Variants in LRRC14B observed in about 807,000 individuals in gnomAD.
LRRC14B encodes the protein leucine rich repeat containing 14B.
In LRRC14B, 23 loss-of-function variants were observed where a neutral mutation model predicts 16.9. That is an observed-to-expected ratio of 1.36 (90% CI 0.98 to 1.92). The LOEUF is 1.92. Ranked by LOEUF, LRRC14B falls within the 30% of genes most tolerant of loss-of-function variation. The pLI, the probability that LRRC14B is intolerant of heterozygous loss-of-function variation, is 0.00. For synonymous variants in LRRC14B, 358 were observed against 332.5 expected, an observed-to-expected ratio of 1.08 and a Z score of -0.83; for missense variants, 766 against 705.7, an observed-to-expected ratio of 1.09 and a Z score of -0.97.
At position 192,407 on chromosome 5, in the gene LRRC14B, C is replaced by G. The variant is rs760159831; in HGVS notation, c.869C>G (p.Thr290Arg). 1 of 1,556,206 alleles carries G rather than the reference C, an allele frequency of 6.4e-7. No individual in the cohort carries two copies. The highest frequency in any genetic ancestry group is 8.7e-7 in the Non-Finnish European group (1 of 1,148,780). The change falls in exon 1 of 2, where the codon ACG (threonine) becomes AGG (arginine). Residue 290 changes from threonine to arginine, a missense_variant. Physicochemically the swap from Thr to Arg is moderately conservative, Grantham distance 71 (BLOSUM62 -1). Coordinates refer to ENST00000328278, the MANE Select transcript of LRRC14B (RefSeq NM_001080478.3). ...QLTELSVAFS[T>R]LTGKIPTLLG... Reference sequence around the variant, plus strand: ...ACTGAGCTCAGTGTGGCCTTCTCCACGCTGACCGGGAAGATCCCGACGCTG... The same window carrying G: ...ACTGAGCTCAGTGTGGCCTTCTCCAGGCTGACCGGGAAGATCCCGACGCTG...
rs765391690 is a variant in LRRC14B at position 192,390 on chromosome 5, C to T, written c.852C>T (p.Leu284=). The T allele has an allele frequency of 6.3e-6, 10 of 1,577,288 alleles. No individual in the cohort carries two copies. Among genetic ancestry groups the T allele is most frequent in the Non-Finnish European group, 8.6e-6 (10 of 1,161,498 alleles). Residue 284 remains leucine, a synonymous_variant, in exon 1 of 2, where the codon CTC becomes CTT. Coordinates refer to ENST00000328278, the MANE Select transcript of LRRC14B (RefSeq NM_001080478.3). ...ELSKMAQLTE[L]SVAFSTLTGK... is the part of the protein sequence containing the mutation. ...GCAAGATGGCGCAGCTCACTGAGCT[C>T]AGTGTGGCCTTCTCCACGCTGACCG...
rs950951736 is a variant in LRRC14B at position 194,848 on chromosome 5, A to G, written c.1040A>G (p.Tyr347Cys). 8 of 1,593,682 alleles carry G rather than the reference A, an allele frequency of 5.0e-6. No individual in the cohort carries two copies. The highest frequency in any genetic ancestry group is 1.7e-4 in the Middle Eastern group (1 of 6,044). Residue 347 changes from tyrosine to cysteine, a missense_variant, in exon 2 of 2, where the codon TAC (tyrosine) becomes TGC (cysteine). Transcript: ENST00000328278. ...AGTGGACACAACCTGGTCAGCCTGT[A>G]CCCCTCGACCTTCTTCAGGCTGCTC... ...DLSGHNLVSLYPSTFFRLLSQ... is the reference protein window; with the variant it reads ...DLSGHNLVSLCPSTFFRLLSQ...
At chr5:193,014 G>A (rs1032304566) in intron 1 of LRRC14B, among the ~76,000 whole-genome samples, 4 of 152,184 alleles carry the variant, frequency 2.6e-5, no homozygotes, top group African/African-American at 9.7e-5. Flanking sequence ...AGAGAGGGCA[G>A]CAGCTAGGAA....
At chr5:194,674 C>G (rs569566990) in intron 1 of LRRC14B, 34 bp from the exon 2 acceptor site, 2 of 1,558,248 alleles carry the variant, frequency 1.3e-6, no homozygotes, top group Admixed American at 1.8e-5. Context: ...TGGGACCCTC[C>G]TCTCACCTGT....
chr5:192,448 G>A lies in LRRC14B; in HGVS notation c.899+11G>A. 1 of 1,509,354 alleles carries A rather than the reference G, an allele frequency of 6.6e-7. No individual in the cohort carries two copies. The highest frequency in any genetic ancestry group is 8.9e-7 in the Non-Finnish European group (1 of 1,126,876). 93.5% of individuals were successfully genotyped at this position (1,509,354 alleles called of 1,614,324 possible). On this transcript the variant is annotated intron_variant, in intron 1 of 1. Coordinates refer to ENST00000328278, the MANE Select transcript of LRRC14B (RefSeq NM_001080478.3). ...CCCGACGCTGCTTGGGTGAGTCTTG[G>A]GGAGGGGACTGAGGGCGGGCTGGTG... is the stretch of plus-strand genomic sequence containing the variant.
rs190870417 is a variant in LRRC14B at position 195,184 on chromosome 5, G to A, written c.1376G>A (p.Arg459His). The stretch of plus-strand genomic sequence containing the variant: ...TACGACGAGATCGCCGAGGAGCTGC[G>A]TGCCGTGCTGCTGCGGGCTGACCGA... The part of the protein sequence containing the change: ...QKYDEIAEEL[R>H]AVLLRADRED... The change falls in exon 2 of 2, where the codon CGT becomes CAT. Residue 459 changes from arginine to histidine, a missense_variant. Transcript: ENST00000328278. 619 of 1,613,862 alleles carry A rather than the reference G, an allele frequency of 3.8e-4. 1 individual carries two copies. Among genetic ancestry groups the A allele is most frequent in the Admixed American group, 1.4e-3 (83 of 60,030 alleles).
Position 194,887 on chromosome 5 carries a change from G to A in LRRC14B, c.1079G>A (p.Arg360Gln), listed in dbSNP as rs752638132. The A allele has an allele frequency of 2.4e-5, 38 of 1,598,104 alleles. No homozygotes were observed. In the East Asian group the frequency reaches 4.8e-4, roughly 20 times the overall value. ...TTCAGGCTGCTCAGCCAGGCTTCCC[G>A]GACGCTGAGGATCCTGACACTGGAG... ...TFFRLLSQAS[R>Q]TLRILTLEEC... Residue 360 changes from arginine to glutamine, a missense_variant, in exon 2 of 2, where the codon CGG (arginine) becomes CAG (glutamine). By Grantham distance (43) the Arg-to-Gln change is conservative. Coordinates refer to ENST00000328278, the MANE Select transcript of LRRC14B (RefSeq NM_001080478.3).
At position 196,159 on chromosome 5, in the gene LRRC14B, C is replaced by T. The variant is rs1046475348; in HGVS notation, c.*806C>T. On this transcript the variant is annotated 3_prime_UTR_variant, in exon 2 of 2. Transcript: ENST00000328278. ...TGTCCTGCGGGGCTTGAGGCTTAGA[C>T]TGACGGGAGCTATTCCGGGTGTTTA... is the stretch of plus-strand genomic sequence containing the variant. 6.6e-6 allele frequency: 1 copy of T among 152,230 alleles called. No individual in the cohort carries two copies. The highest frequency in any genetic ancestry group is 1.5e-5 in the Non-Finnish European group (1 of 68,056). 9.4% of individuals were successfully genotyped at this position (152,230 alleles called of 1,614,324 possible).
chr5:193,295 G>A (rs1221138736), intron 1 of LRRC14B, among the ~76,000 whole-genome samples: 3 of 149,588 alleles, frequency 2.0e-5, no homozygotes, highest in Non-Finnish European at 3.0e-5. Flanking sequence ...GGGTCCGGGG[G>A]GCACCCAGTT....
In LRRC14B at chr5:195,476, C is replaced by G. The variant is rs1036739131; in HGVS notation, c.*123C>G. ...ACCACCACCACCACCAAAAGCAGTT[C>G]TTAGTGAAAATTGTAGGCGAGCCTG... On this transcript the variant is annotated 3_prime_UTR_variant, in exon 2 of 2. Transcript: ENST00000328278. 6.9e-5 allele frequency: 66 copies of G among 960,816 alleles called. No homozygotes were observed. Among genetic ancestry groups the G allele is most frequent in the Non-Finnish European group, 9.1e-5 (60 of 658,576 alleles). The allele number at this position is 960,816 out of a possible 1,614,324, so 59.5% of individuals were successfully genotyped here.
In LRRC14B at chr5:195,454, A is replaced by C. The variant is rs780907546; in HGVS notation, c.*101A>C. The C allele has an allele frequency of 2.5e-5, 26 of 1,036,378 alleles. No individual in the cohort carries two copies. In the African/African-American group the frequency reaches 4.2e-4, roughly 17 times the overall value. 64.2% of individuals were successfully genotyped at this position (1,036,378 alleles called of 1,614,324 possible). ...CTTGGGCCCGGCATTCATCCCCACC[A>C]CCACCACCACCAAAAGCAGTTCTTA... On this transcript the variant is annotated 3_prime_UTR_variant, in exon 2 of 2. Transcript: ENST00000328278.
At chr5:192,814 T>C (rs1183721791) in intron 1 of LRRC14B, among the ~76,000 whole-genome samples, 2 of 152,156 alleles carry the variant, frequency 1.3e-5, no homozygotes, top group Non-Finnish European at 2.9e-5. Context: ...AGCTCAGAAA[T>C]CTGAGCCTGT....
chr5:193,133 C>T (rs1733840453), intron 1 of LRRC14B, among the ~76,000 whole-genome samples: 2 of 148,634 alleles, frequency 1.3e-5, no homozygotes, highest in South Asian at 4.4e-4. Context: ...AGCGGTGGGT[C>T]CAAGGGGGGT....
chr5:191,644 C>T lies in LRRC14B; in HGVS notation c.106C>T (p.Leu36Phe). The change falls in exon 1 of 2, where the codon CTC becomes TTC. Residue 36 changes from leucine (L) to phenylalanine (F), a missense_variant. By Grantham distance (22) the Leu-to-Phe change is conservative. Coordinates refer to ENST00000328278, the MANE Select transcript of LRRC14B (RefSeq NM_001080478.3). ...CAGCGTGGCCCACAACCTCTACCCACTCCTGTTCAAAGCCAGCTACCTGCT... is the reference window on the plus strand; with the variant it reads ...CAGCGTGGCCCACAACCTCTACCCATTCCTGTTCAAAGCCAGCTACCTGCT... ...LDSVAHNLYP[L>F]LFKASYLLEQ... is the part of the protein sequence containing the mutation. 1.2e-6 allele frequency: 2 copies of T among 1,609,670 alleles called. No homozygotes were observed. The highest frequency in any genetic ancestry group is 1.7e-6 in the Non-Finnish European group (2 of 1,178,444).
Position 191,789 on chromosome 5 carries a change from G to A in LRRC14B, c.251G>A (p.Arg84Lys). ...HPQDLRDRTC[R>K]ACLEALVRGL... Reference sequence around the variant, plus strand: ...CAGGACCTGCGCGACAGAACCTGCAGGGCCTGCCTGGAGGCGCTGGTGCGC... The same window carrying A: ...CAGGACCTGCGCGACAGAACCTGCAAGGCCTGCCTGGAGGCGCTGGTGCGC... Residue 84 changes from arginine (R) to lysine (K), a missense_variant, in exon 1 of 2, where the codon AGG becomes AAG. Transcript: ENST00000328278. The A allele has an allele frequency of 1.3e-6, 2 of 1,537,404 alleles. No homozygotes were observed. The highest frequency in any genetic ancestry group is 1.2e-5 in the South Asian group (1 of 83,792).
chr5:195,117 C>A lies in LRRC14B; in HGVS notation c.1309C>A (p.Pro437Thr). 1 of 1,613,978 alleles carries A rather than the reference C, an allele frequency of 6.2e-7. No homozygotes were observed. Among genetic ancestry groups the A allele is most frequent in the South Asian group, 1.1e-5 (1 of 91,086 alleles). The change falls in exon 2 of 2, where the codon CCA becomes ACA. Residue 437 changes from proline to threonine, a missense_variant. Coordinates refer to ENST00000328278, the MANE Select transcript of LRRC14B (RefSeq NM_001080478.3). ...KDCYPEGAAYPQDELAMSKFN... is the reference protein window; with the variant it reads ...KDCYPEGAAYTQDELAMSKFN... ...CTGCTACCCCGAGGGTGCCGCCTAC[C>A]CACAGGACGAGCTGGCCATGTCCAA...
Position 194,829 on chromosome 5 carries a change from C to T in LRRC14B, c.1021C>T (p.His341Tyr). Reference sequence around the variant, plus strand: ...CCTGGAGGTGCTGGACCTCAGTGGACACAACCTGGTCAGCCTGTACCCCTC... The same window carrying T: ...CCTGGAGGTGCTGGACCTCAGTGGATACAACCTGGTCAGCCTGTACCCCTC... ...AHLEVLDLSG[H>Y]NLVSLYPSTF... is the part of the protein sequence containing the mutation. The change falls in exon 2 of 2, where the codon CAC becomes TAC. Residue 341 changes from histidine to tyrosine, a missense_variant. Transcript: ENST00000328278. 6.2e-7 allele frequency: 1 copy of T among 1,601,676 alleles called. No homozygotes were observed. The highest frequency in any genetic ancestry group is 1.1e-5 in the South Asian group (1 of 89,400).
chr5:193,508 GCCTGGTGGTGGGTCCTGAAGTGGGGGCA>G (rs1186497420), intron 1 of LRRC14B, among the ~76,000 whole-genome samples: 1 of 147,516 alleles, frequency 6.8e-6, no homozygotes, highest in Non-Finnish European at 1.5e-5. Flanking sequence ...TGGTAGGGGT[GCCTGGTGGTGGGTCCTGAAGTGGGGGCA>G]CCTGGTGGTG....
chr5:193,972 T>G (rs889385525), intron 1 of LRRC14B, among the ~76,000 whole-genome samples: 5 of 152,080 alleles, frequency 3.3e-5, no homozygotes, highest in Non-Finnish European at 7.4e-5. Context: ...TCACTCCAAC[T>G]GCCCCTGTAT....
Sources: allele counts gnomAD v4.1 joint callset (sites outside exome capture counted in the v4.1 genomes callset), GRCh38; gene constraint gnomAD v4.1.1; transcripts MANE v1.5; gene names NCBI Gene and HGNC (gene_info 2026-07-23, HGNC 2026-07-21).